Variants in HDGF observed in about 807,000 individuals in gnomAD.
HDGF encodes hepatoma-derived growth factor.
HDGF carries 5 observed loss-of-function variants against 30.0 expected under a neutral mutation model. The ratio of observed to expected loss-of-function variants is 0.17; its 90% CI spans 0.09 to 0.35. The LOEUF is 0.35. HDGF is among the 10% of genes least tolerant of loss of function. HDGF has a pLI of 1.00. For missense variants in HDGF, 214 were observed against 302.8 expected (o/e 0.71, Z 2.18); for synonymous variants, 133 against 112.7 (o/e 1.18, Z -1.14).
intron 1 of HDGF, among the ~76,000 whole-genome samples, chr1:156,759,669 A>T (rs955084703): frequency 6.6e-6 from 1 of 151,994 alleles, no homozygotes; most frequent in African/African-American, 2.4e-5. Flanking sequence ...TTTAGTAGAG[A>T]TGGGGTTTCA....
upstream of HDGF, among the ~76,000 whole-genome samples, chr1:156,754,201 A>G (rs535371329): frequency 1.1e-4 from 16 of 152,354 alleles, no homozygotes; most frequent in Non-Finnish European, 2.4e-4. Context: ...GGCGTGAGCA[A>G]CCGCGCCCGG....
upstream of HDGF, chr1:156,752,008 G>A: frequency 6.5e-7 from 1 of 1,545,138 alleles, no homozygotes; most frequent in Non-Finnish European, 8.8e-7. Flanking sequence ...AGCGGCCCCC[G>A]CCCTTCCCCC....
upstream of HDGF, among the ~76,000 whole-genome samples, chr1:156,754,703 G>T (rs1651127070): frequency 6.6e-6 from 1 of 152,186 alleles, no homozygotes; most frequent in Non-Finnish European, 1.5e-5. Context: ...CAGCACTTCG[G>T]GAGGCCGAGG....
In HDGF at chr1:156,762,834, T is replaced by C. The variant is rs527963013; in HGVS notation, n.137-3615A>G. On this transcript the variant is annotated intron_variant and non_coding_transcript_variant, in intron 1 of 7. Coordinates refer to the HDGF transcript ENST00000465180. Reference sequence around the variant, plus strand: ...TTGTGGTGAGCCGAGATCGCGCCATTGCACTCCAGCCTGGGCAACAAGAGC... The same window carrying C: ...TTGTGGTGAGCCGAGATCGCGCCATCGCACTCCAGCCTGGGCAACAAGAGC... Among the ~76,000 whole-genome samples, 41 of 151,420 alleles carry C rather than the reference T, an allele frequency of 2.7e-4. 1 individual carries two copies. The South Asian group carries it at 8.5e-3, about 32-fold the overall frequency.
At chr1:156,745,237 C>A (rs927909206) in intron 2 of HDGF, 60 bp downstream of exon 2, 3 of 1,609,574 alleles carry the variant, frequency 1.9e-6, no homozygotes, top group Admixed American at 1.7e-5. Flanking sequence ...ACCACCTCAC[C>A]TTCCCCAGAG....
chr1:156,752,055 A>C, upstream of HDGF: 1 of 1,551,436 alleles, frequency 6.4e-7, no homozygotes, highest in South Asian at 1.2e-5. Flanking sequence ...GCCCCAGCGC[A>C]GTTAAGTGTG....
chr1:156,746,084 G>A (rs766481311), intron 1 of HDGF, among the ~76,000 whole-genome samples: 2 of 152,164 alleles, frequency 1.3e-5, no homozygotes, highest in Non-Finnish European at 2.9e-5. Context: ...TATAGCCTCA[G>A]CTCCGCCATT....
chr1:156,743,489 T>C, intron 5 of HDGF, 34 bp from the exon 6 acceptor site: 1 of 1,558,862 alleles, frequency 6.4e-7, no homozygotes, highest in Non-Finnish European at 8.7e-7. Flanking sequence ...GAAGGGTTAA[T>C]GGTGTGGCCT....
chr1:156,745,559 C>G (rs1354778482), intron 1 of HDGF, among the ~76,000 whole-genome samples, 186 bp from the exon 2 acceptor site: 1 of 152,128 alleles, frequency 6.6e-6, no homozygotes, highest in East Asian at 1.9e-4. Context: ...ACATGAAAGC[C>G]CAACAGAAAC....
At chr1:156,757,898 T>G (rs1216771690) in intron 2 of HDGF, among the ~76,000 whole-genome samples, 2 of 152,228 alleles carry the variant, frequency 1.3e-5, no homozygotes, top group African/African-American at 2.4e-5. Flanking sequence ...ATGGCTAGTA[T>G]GGTGTAAATA....
rs1650287567 is a variant in HDGF at position 156,743,672 on chromosome 1, T to C, written c.696A>G (p.Pro232=). The C allele has an allele frequency of 3.1e-6, 5 of 1,611,052 alleles. No homozygotes were observed. The highest frequency in any genetic ancestry group is 1.3e-5 in the African/African-American group (1 of 74,818). Residue 232 remains proline, a synonymous_variant, in exon 5 of 6, where the codon CCA becomes CCG. Transcript: ENST00000357325. The part of the protein sequence containing the change: ...EEATKEDAEA[P]GIRDHESL ...CTCACCTCTCATGATCTCTGATGCC[T>C]GGGGCCTCAGCATCTTCCTTGGTAG...
chr1:156,766,574 T>C (rs2102746051), intron 1 of HDGF, among the ~76,000 whole-genome samples: 1 of 152,186 alleles, frequency 6.6e-6, no homozygotes, highest in Non-Finnish European at 1.5e-5. Context: ...CAAGGACTCC[T>C]ATAAACATGG....
Position 156,743,152 on chromosome 1 carries a change from G to A in HDGF, c.*297C>T, listed in dbSNP as rs1382003508. 1.7e-5 allele frequency: 6 copies of A among 351,030 alleles called. No homozygotes were observed. The highest frequency in any genetic ancestry group is 2.6e-5 in the Non-Finnish European group (5 of 193,744). The allele number at this position is 351,030 out of a possible 1,614,324, so 21.7% of individuals were successfully genotyped here. A position where few individuals can be genotyped will look rare whatever the true frequency, so the allele number is the denominator to read the frequency against. On this transcript the variant is annotated 3_prime_UTR_variant, in exon 6 of 6. Transcript: ENST00000357325. ...GGAGCAGTTGTCCCAGGCCCCAGCAGAAGCCTGGAAAATAGCTCCAAGCGG... is the reference window on the plus strand; with the variant it reads ...GGAGCAGTTGTCCCAGGCCCCAGCAAAAGCCTGGAAAATAGCTCCAAGCGG...
upstream of HDGF, among the ~76,000 whole-genome samples, chr1:156,755,013 G>A (rs1651132327): frequency 6.6e-6 from 1 of 152,186 alleles, no homozygotes; most frequent in Admixed American, 6.5e-5. Context: ...CATTTCTAAT[G>A]CGCTCCAAGG....
chr1:156,750,179 G>C lies in HDGF; in HGVS notation c.87+1164C>G, dbSNP rs548893791. ...AATAAGCCTGGGCCAGACAGACACA[G>C]ACTTACACTGAGAAGAGCACCCCAA... is the stretch of plus-strand genomic sequence containing the variant. On this transcript the variant is annotated intron_variant, in intron 1 of 5. Coordinates refer to ENST00000357325, the MANE Select transcript of HDGF (RefSeq NM_004494.3). Among the ~76,000 whole-genome samples, 180 of 152,250 alleles carry C rather than the reference G, an allele frequency of 1.2e-3. 1 individual carries two copies. The highest frequency in any genetic ancestry group is 4.1e-3 in the African/African-American group (170 of 41,526).
rs369139530 is a variant in HDGF at position 156,742,111 on chromosome 1, G to A, written c.*1338C>T. The A allele has an allele frequency of 6.6e-6, 1 of 152,618 alleles. No homozygotes were observed. The highest frequency in any genetic ancestry group is 1.5e-5 in the Non-Finnish European group (1 of 68,052). 9.5% of individuals were successfully genotyped at this position (152,618 alleles called of 1,614,324 possible). A position where few individuals can be genotyped will look rare whatever the true frequency, so the allele number is the denominator to read the frequency against. On this transcript the variant is annotated 3_prime_UTR_variant, in exon 6 of 6. Transcript: ENST00000357325. ...AAAGAATCAGTCAGAATCCAATATA[G>A]TAATCAACGGGTTTTATTTTCCTAG...
intron 2 of HDGF, 68 bp downstream of exon 2, chr1:156,745,229 C>G (rs977725464): frequency 6.2e-7 from 1 of 1,609,586 alleles, no homozygotes; most frequent in Non-Finnish European, 8.5e-7. Context: ...GCACCAACAC[C>G]ACCTCACCTT....
rs904000907 is a variant in HDGF at position 156,742,322 on chromosome 1, C to T, written c.*1127G>A. On this transcript the variant is annotated 3_prime_UTR_variant, in exon 6 of 6. Coordinates refer to ENST00000357325, the MANE Select transcript of HDGF (RefSeq NM_004494.3). ...TCTGTCCTCTCAGTGGGTTACAAATCAGATCTGGTGACAACACTGAGGGGG... is the reference window on the plus strand; with the variant it reads ...TCTGTCCTCTCAGTGGGTTACAAATTAGATCTGGTGACAACACTGAGGGGG... The T allele has an allele frequency of 1.3e-5, 2 of 152,640 alleles. No individual in the cohort carries two copies. Among genetic ancestry groups the T allele is most frequent in the East Asian group, 3.9e-4 (2 of 5,180 alleles). 9.5% of individuals were successfully genotyped at this position (152,640 alleles called of 1,614,324 possible).
intron 1 of HDGF, among the ~76,000 whole-genome samples, chr1:156,765,028 T>C (rs1292011371): frequency 6.6e-6 from 1 of 151,934 alleles, no homozygotes; most frequent in African/African-American, 2.4e-5. Flanking sequence ...CACTGTGTGT[T>C]AGTATCAGGC....
Sources: allele counts gnomAD v4.1 joint callset (sites outside exome capture counted in the v4.1 genomes callset), GRCh38; gene constraint gnomAD v4.1.1; transcripts MANE v1.5; gene names NCBI Gene and HGNC (gene_info 2026-07-23, HGNC 2026-07-21).